The following CACUL1 variants were observed in gnomAD, a reference collection of about 807,000 sequenced individuals.
CACUL1 encodes the protein CDK2 associated cullin domain 1.
Under a neutral mutation model 45.2 loss-of-function variants are expected in CACUL1, and 13 were observed. The ratio of observed to expected loss-of-function variants is 0.29; its 90% CI spans 0.19 to 0.46. CACUL1 has a LOEUF of 0.46. Among genes scored for constraint, CACUL1 ranks in the 20% least tolerant of loss-of-function variants. The pLI, the probability that CACUL1 is intolerant of heterozygous loss-of-function variation, is 1.00. For synonymous variants in CACUL1, 197 were observed against 174.2 expected, an observed-to-expected ratio of 1.13 and a Z score of -1.03; for missense variants, 421 against 471.4, an observed-to-expected ratio of 0.89 and a Z score of 0.99.
chr10:118,753,239 C>T (rs148944323), intron 1 of CACUL1, among the ~76,000 whole-genome samples: 2 of 152,322 alleles, frequency 1.3e-5, no homozygotes, highest in East Asian at 3.9e-4. Context: ...TATAATCTTA[C>T]CAAACGTACA....
intron 6 of CACUL1, 76 bp from the exon 7 acceptor site, chr10:118,691,479 T>C: frequency 7.2e-7 from 1 of 1,387,046 alleles, no homozygotes; most frequent in Non-Finnish European, 1.0e-6. Context: ...AAAGTTTTCT[T>C]TTAAAATATA....
chr10:118,702,147 G>A (rs929854771), intron 4 of CACUL1, among the ~76,000 whole-genome samples: 1 of 152,152 alleles, frequency 6.6e-6, no homozygotes, highest in African/African-American at 2.4e-5. Flanking sequence ...CTCCTGGGCC[G>A]AGCACCTTGT....
intron 1 of CACUL1, among the ~76,000 whole-genome samples, chr10:118,749,619 C>T (rs998493946): frequency 2.0e-5 from 3 of 152,190 alleles, no homozygotes; most frequent in African/African-American, 4.8e-5. Flanking sequence ...TAAAGTCTTC[C>T]TCCTAGCCTT....
In CACUL1 at chr10:118,682,852, T is replaced by C. The variant is rs1455125468; in HGVS notation, c.*3276A>G. 1 of 152,536 alleles carries C rather than the reference T, an allele frequency of 6.6e-6. No individual in the cohort carries two copies. The highest frequency in any genetic ancestry group is 1.5e-5 in the Non-Finnish European group (1 of 68,046). The allele number at this position is 152,536 out of a possible 1,614,324, so 9.4% of individuals were successfully genotyped here. Reference sequence around the variant, plus strand: ...TCTACCCACAAATTAGCTTTCACTCTAGACCCCAAAGGGAGGGTAATTGCT... The same window carrying C: ...TCTACCCACAAATTAGCTTTCACTCCAGACCCCAAAGGGAGGGTAATTGCT... On this transcript the variant is annotated 3_prime_UTR_variant, in exon 9 of 9. Coordinates refer to ENST00000369151, the MANE Select transcript of CACUL1 (RefSeq NM_153810.5).
At chr10:118,748,286 A>G (rs1395323524) in intron 1 of CACUL1, among the ~76,000 whole-genome samples, 2 of 152,130 alleles carry the variant, frequency 1.3e-5, no homozygotes, top group East Asian at 3.9e-4. Context: ...GAAAGACGAG[A>G]TAACATCTCC....
chr10:118,730,507 C>A (rs1845687613), intron 1 of CACUL1, 97 bp from the exon 2 acceptor site: 2 of 1,202,904 alleles, frequency 1.7e-6, no homozygotes, highest in East Asian at 5.1e-5. Flanking sequence ...CTCACTTACT[C>A]TTCTGATTTT....
chr10:118,735,524 C>A lies in CACUL1; in HGVS notation c.368-5114G>T, dbSNP rs1015711329. ...CCCAGGAAGCTGTTTAACAAGCCCT[C>A]CAGATAATTCTTACGCCTGTTAAAG... On this transcript the variant is annotated intron_variant, in intron 1 of 8. Coordinates refer to ENST00000369151, the MANE Select transcript of CACUL1 (RefSeq NM_153810.5). 1.3e-5 allele frequency among the ~76,000 whole-genome samples: 2 copies of A among 152,340 alleles called. 1 individual carries two copies.
intron 3 of CACUL1, among the ~76,000 whole-genome samples, chr10:118,718,937 T>C (rs1444916020): frequency 1.3e-5 from 2 of 152,214 alleles, no homozygotes; most frequent in South Asian, 2.1e-4. Context: ...TTATATACAA[T>C]GTCCAACATT....
At chr10:118,754,334 G>A (rs1181574325) in intron 1 of CACUL1, 62 bp downstream of exon 1, 4 of 1,438,792 alleles carry the variant, frequency 2.8e-6, no homozygotes, top group African/African-American at 1.5e-5. Flanking sequence ...CCAAGAGGGG[G>A]TGGATTCGGC....
chr10:118,704,817 A>C (rs1490992307), intron 4 of CACUL1, among the ~76,000 whole-genome samples: 1 of 152,170 alleles, frequency 6.6e-6, no homozygotes, highest in African/African-American at 2.4e-5. Context: ...TGCTCAATAA[A>C]ATTCTTCTCC....
At chr10:118,726,898 G>T (rs1168284328) in intron 3 of CACUL1, among the ~76,000 whole-genome samples, 3 of 152,068 alleles carry the variant, frequency 2.0e-5, no homozygotes, top group Admixed American at 1.3e-4. Flanking sequence ...TGGAAACAGA[G>T]CCCTGGATCC....
At chr10:118,724,376 A>G (rs917835231) in intron 3 of CACUL1, among the ~76,000 whole-genome samples, 3 of 152,012 alleles carry the variant, frequency 2.0e-5, no homozygotes, top group Admixed American at 6.6e-5. Flanking sequence ...CTGTGGTCTG[A>G]TTTTTGTAAT....
chr10:118,733,058 T>C (rs567279113), intron 1 of CACUL1, among the ~76,000 whole-genome samples: 1 of 152,308 alleles, frequency 6.6e-6, no homozygotes, highest in African/African-American at 2.4e-5. Context: ...CTAAAATGCT[T>C]AGTTCAATAA....
intron 7 of CACUL1, among the ~76,000 whole-genome samples, chr10:118,689,715 C>T (rs1845242967): frequency 6.6e-6 from 1 of 151,230 alleles, no homozygotes. Flanking sequence ...CAGTCCTGCA[C>T]CCTGTTCTCT....
At chr10:118,699,462 C>G (rs1845355754) in intron 5 of CACUL1, among the ~76,000 whole-genome samples, 1 of 152,150 alleles carries the variant, frequency 6.6e-6, no homozygotes. Context: ...AAATTAGTTT[C>G]CAAATTACTG....
At chr10:118,702,743 G>A (rs1385050664) in intron 4 of CACUL1, among the ~76,000 whole-genome samples, 1 of 151,646 alleles carries the variant, frequency 6.6e-6, no homozygotes, top group Admixed American at 6.6e-5. Flanking sequence ...CACCACACCC[G>A]GCTAATTTTT....
chr10:118,699,789 G>A (rs1009280250), intron 5 of CACUL1, among the ~76,000 whole-genome samples: 1 of 152,160 alleles, frequency 6.6e-6, no homozygotes, highest in African/African-American at 2.4e-5. Flanking sequence ...GGGACTACAG[G>A]CGCCCGCCAC....
chr10:118,750,939 C>T (rs974119824), intron 1 of CACUL1, among the ~76,000 whole-genome samples: 1 of 152,134 alleles, frequency 6.6e-6, no homozygotes, highest in Admixed American at 6.5e-5. Flanking sequence ...AGGGAAAATG[C>T]GGTACCATCA....
Position 118,754,703 on chromosome 10 carries a change from C to CA in CACUL1, c.59_60insT (p.Gln20HisfsTer66). ...CCGCAGCCTCCCAGTTGTTGTGGTT[C>CA]TGGTCGTCCATCATCGCCTCGTAGC... is the stretch of plus-strand genomic sequence containing the variant. On this transcript the variant is annotated frameshift_variant, in exon 1 of 9. Coordinates refer to ENST00000369151, the MANE Select transcript of CACUL1 (RefSeq NM_153810.5). LOFTEE classifies it high-confidence loss of function. 1 of 1,607,518 alleles carries CA rather than the reference C, an allele frequency of 6.2e-7. No individual in the cohort carries two copies. Among genetic ancestry groups the CA allele is most frequent in the Non-Finnish European group, 8.5e-7 (1 of 1,177,582 alleles).
Sources: allele counts gnomAD v4.1 joint callset (sites outside exome capture counted in the v4.1 genomes callset), GRCh38; gene constraint gnomAD v4.1.1; transcripts MANE v1.5; gene names NCBI Gene and HGNC (gene_info 2026-07-23, HGNC 2026-07-21).